DRAM2: variants seen among roughly 807,000 people sequenced by gnomAD.
DRAM2 encodes DNA damage regulated autophagy modulator 2, also known as DNA damage-regulated autophagy modulator protein 2.
In DRAM2, 26 loss-of-function variants were observed where a neutral mutation model predicts 33.5. The observed-to-expected ratio is 0.78, with a 90% CI of 0.57 to 1.08. The LOEUF is 1.08. DRAM2 is among the 50% of genes least tolerant of loss of function. The pLI is 0.00. For synonymous variants in DRAM2, 98 were observed against 109.5 expected (o/e 0.89, Z 0.66); for missense variants, 311 against 318.1 (o/e 0.98, Z 0.17).
chr1:111,121,180 T>G (rs1024699594), intron 6 of DRAM2, among the ~76,000 whole-genome samples: 1 of 152,116 alleles, frequency 6.6e-6, no homozygotes, highest in South Asian at 2.1e-4. Flanking sequence ...ACTGCAGTGC[T>G]GGGAATAGGG....
rs201015920 is a variant in DRAM2 at position 111,131,521 on chromosome 1, G to A, written c.34C>T (p.Pro12Ser). Residue 12 changes from proline (P) to serine (S), a missense_variant, in exon 4 of 10, where the codon CCT (proline) becomes TCT (serine). Pro to Ser is a moderately conservative substitution (Grantham distance 74, BLOSUM62 -1). Transcript: ENST00000484310. The stretch of plus-strand genomic sequence containing the variant: ...GATGTCCAAATTACAAGGGCTGAAG[G>A]AAGGAAACTGAGGCCTTGCTGAAAC... ...WWFQQGLSFL[P>S]SALVIWTSAA... The A allele has an allele frequency of 6.2e-7, 1 of 1,614,152 alleles. No homozygotes were observed. The highest frequency in any genetic ancestry group is 8.5e-7 in the Non-Finnish European group (1 of 1,180,008).
At chr1:111,131,310 G>GTAATGCCAATGTAAAATCTGATTTT in intron 4 of DRAM2, 114 bp downstream of exon 4, 1 of 1,164,148 alleles carries the variant, frequency 8.6e-7, no homozygotes, top group East Asian at 2.4e-5. Flanking sequence ...CTTTATTGTT[G>GTAATGCCAATGTAAAATCTGATTTT]TAATGCCAAT....
intron 4 of DRAM2, among the ~76,000 whole-genome samples, chr1:111,126,573 CTA>C (rs1280060446): frequency 1.3e-5 from 2 of 152,026 alleles, no homozygotes; most frequent in African/African-American, 4.8e-5. Flanking sequence ...TATGTTAAGA[CTA>C]TGTTATTGAC....
intron 8 of DRAM2, 56 bp from the exon 9 acceptor site, chr1:111,118,953 T>A (rs781367713): frequency 1.3e-4 from 153 of 1,183,422 alleles, no homozygotes; most frequent in Non-Finnish European, 1.7e-4. Context: ...ACGATCTATA[T>A]ACTATGTTTC....
chr1:111,120,644 C>T lies in DRAM2; in HGVS notation c.389G>A (p.Gly130Asp). The T allele has an allele frequency of 6.2e-7, 1 of 1,608,094 alleles. No homozygotes were observed. Among genetic ancestry groups the T allele is most frequent in the South Asian group, 1.1e-5 (1 of 90,282 alleles). ...AACAAACATATATAATGAGCCCATACCAAAGGTAAGCACAGCTCCACTTAC... is the reference window on the plus strand; with the variant it reads ...AACAAACATATATAATGAGCCCATATCAAAGGTAAGCACAGCTCCACTTAC... The part of the protein sequence containing the change: ...AHVSGAVLTF[G>D]MGSLYMFVQT... Residue 130 changes from glycine to aspartate, a missense_variant, in exon 7 of 10, where the codon GGT (glycine) becomes GAT (aspartate). Transcript: ENST00000484310.
rs755884342 is a variant in DRAM2, at chr1:111,131,594, A to G, written c.-14-26T>C. ...CTGAAATAGAGAAAACATATTAGAA[A>G]AGATAATTCACAAGAGTTTCCTCAT... On this transcript the variant is annotated intron_variant, in intron 3 of 9. Transcript: ENST00000484310. The G allele has an allele frequency of 1.9e-6, 3 of 1,611,454 alleles. No homozygotes were observed. The South Asian group carries it at 3.3e-5, about 18-fold the overall frequency.
chr1:111,129,818 C>A (rs368157940), intron 4 of DRAM2, among the ~76,000 whole-genome samples: 1 of 151,776 alleles, frequency 6.6e-6, no homozygotes, highest in African/African-American at 2.4e-5. Context: ...ATAAAAAACC[C>A]AAAAAAGTGA....
intron 6 of DRAM2, among the ~76,000 whole-genome samples, chr1:111,121,170 A>C (rs1472561411): frequency 6.6e-6 from 1 of 152,112 alleles, no homozygotes; most frequent in Non-Finnish European, 1.5e-5. Flanking sequence ...ATTAGGATGG[A>C]CTGCAGTGCT....
In DRAM2 at chr1:111,124,861, G is replaced by C. The variant is rs1039839796; in HGVS notation, c.220C>G (p.Arg74Gly). 6.2e-7 allele frequency: 1 copy of C among 1,611,690 alleles called. No individual in the cohort carries two copies. The highest frequency in any genetic ancestry group is 1.7e-5 in the Admixed American group (1 of 59,652). The change falls in exon 6 of 10, where the codon CGT becomes GGT. Residue 74 changes from arginine to glycine, a missense_variant. Arg to Gly is a moderately radical substitution (Grantham distance 125). Coordinates refer to ENST00000484310, the MANE Select transcript of DRAM2 (RefSeq NM_001349884.2). ...CTCAGAGCATGAACTTGCTTATAAC[G>C]AACATAAATGGTAGCAATGCCTGGG... Reference protein sequence around the residue: ...AVLCIATIYVRYKQVHALSPE... With the variant: ...AVLCIATIYVGYKQVHALSPE...
Position 111,124,892 on chromosome 1 carries a change from A to G in DRAM2, c.200-11T>C, listed in dbSNP as rs1166997458. 1 of 1,609,604 alleles carries G rather than the reference A, an allele frequency of 6.2e-7. No individual in the cohort carries two copies. Among genetic ancestry groups the G allele is most frequent in the Non-Finnish European group, 8.5e-7 (1 of 1,178,508 alleles). The stretch of plus-strand genomic sequence containing the variant: ...AAATGGTAGCAATGCCTGGGAAAAG[A>G]TAATCCAAAAAACAACAAAGTAATA... On this transcript the variant is annotated splice_polypyrimidine_tract_variant and intron_variant, in intron 5 of 9. Coordinates refer to ENST00000484310, the MANE Select transcript of DRAM2 (RefSeq NM_001349884.2).
At chr1:111,128,044 G>A (rs1444960302) in intron 4 of DRAM2, 3 of 151,604 alleles carry the variant, frequency 2.0e-5, no homozygotes, top group African/African-American at 7.3e-5. Flanking sequence ...AACACCTGAA[G>A]CACACTTATA....
intron 3 of DRAM2, among the ~76,000 whole-genome samples, chr1:111,135,676 T>A (rs1196755978): frequency 6.6e-6 from 1 of 152,196 alleles, no homozygotes; most frequent in Non-Finnish European, 1.5e-5. Flanking sequence ...ACAGATAACT[T>A]TACCTAAGCC....
chr1:111,117,893 A>G lies in DRAM2; in HGVS notation c.*267T>C. ...AGGTTGTTTCTCTTAAATAAGGTATAAAAAACTATGATATCATAGTCTTTT... is the reference window on the plus strand; with the variant it reads ...AGGTTGTTTCTCTTAAATAAGGTATGAAAAACTATGATATCATAGTCTTTT... On this transcript the variant is annotated 3_prime_UTR_variant, in exon 10 of 10. Coordinates refer to ENST00000484310, the MANE Select transcript of DRAM2 (RefSeq NM_001349884.2). The G allele has an allele frequency of 2.3e-6, 1 of 429,172 alleles. No homozygotes were observed. Among genetic ancestry groups the G allele is most frequent in the African/African-American group, 2.0e-5 (1 of 48,830 alleles). 26.6% of individuals were successfully genotyped at this position (429,172 alleles called of 1,614,324 possible).
At chr1:111,135,339 G>A (rs1652952446) in intron 3 of DRAM2, among the ~76,000 whole-genome samples, 1 of 152,176 alleles carries the variant, frequency 6.6e-6, no homozygotes, top group Non-Finnish European at 1.5e-5. Flanking sequence ...TTTGGGTAGA[G>A]AGCAGCCTGT....
chr1:111,135,130 C>T (rs928228257), intron 3 of DRAM2, among the ~76,000 whole-genome samples: 2 of 152,074 alleles, frequency 1.3e-5, no homozygotes, highest in African/African-American at 4.8e-5. Flanking sequence ...TTTTGTGGGT[C>T]CTGGCTGAAT....
At chr1:111,130,434 A>G (rs1571050835) in intron 4 of DRAM2, among the ~76,000 whole-genome samples, 1 of 152,332 alleles carries the variant, frequency 6.6e-6, no homozygotes, top group East Asian at 1.9e-4. Context: ...GGCTGGGCAC[A>G]GTGGCTCACG....
rs1064796490 is a variant in DRAM2 at position 111,120,614 on chromosome 1, G to T, written c.419C>A (p.Thr140Asn). The part of the protein sequence containing the change: ...GMGSLYMFVQ[T>N]ILSYQMQPKI... ...GGGCTGCATTTGGTAGGAAAGGATG[G>T]TCTGAACAAACATATATAATGAGCC... is the stretch of plus-strand genomic sequence containing the variant. Residue 140 changes from threonine to asparagine, a missense_variant, in exon 7 of 10, where the codon ACC becomes AAC. Physicochemically the swap from Thr to Asn is moderately conservative, Grantham distance 65 (BLOSUM62 0). Coordinates refer to ENST00000484310, the MANE Select transcript of DRAM2 (RefSeq NM_001349884.2). 1 of 1,611,950 alleles carries T rather than the reference G, an allele frequency of 6.2e-7. No individual in the cohort carries two copies. Among genetic ancestry groups the T allele is most frequent in the Non-Finnish European group, 8.5e-7 (1 of 1,178,762 alleles).
At chr1:111,125,015 A>AAT in intron 5 of DRAM2, 134 bp from the exon 6 acceptor site, 4 of 853,118 alleles carry the variant, frequency 4.7e-6, no homozygotes, top group Non-Finnish European at 6.8e-6. Context: ...AGAGAATAAA[A>AAT]AGAAAAAAAA....
chr1:111,138,417 T>C (rs1653715058), intron 2 of DRAM2, among the ~76,000 whole-genome samples: 1 of 152,272 alleles, frequency 6.6e-6, no homozygotes, highest in Non-Finnish European at 1.5e-5. Flanking sequence ...CAATGATTCA[T>C]AATTCAAAAA....
Sources: gnomAD v4.1 joint callset for allele counts (sites outside exome capture counted in the v4.1 genomes callset) on GRCh38, gnomAD v4.1.1 for gene constraint, MANE v1.5 for transcripts, NCBI Gene and HGNC (gene_info 2026-07-23, HGNC 2026-07-21) for gene names.